Variants in TRPM4 observed in about 807,000 individuals in gnomAD.
TRPM4 encodes transient receptor potential cation channel subfamily M member 4.
In TRPM4, 124 loss-of-function variants were observed where a neutral mutation model predicts 135.6. The ratio of observed to expected loss-of-function variants is 0.91; its 90% CI spans 0.79 to 1.06. The LOEUF (loss-of-function observed/expected upper bound fraction) is 1.06. Among genes scored for constraint, TRPM4 ranks in the 50% least tolerant of loss-of-function variants. The pLI is 0.00. For missense variants in TRPM4, 1,658 were observed against 1,671.4 expected (o/e 0.99, Z 0.14); for synonymous variants, 745 against 705.6 (o/e 1.06, Z -0.88).
intron 12 of TRPM4, among the ~76,000 whole-genome samples, chr19:49,184,418 G>C (rs566745170): frequency 6.9e-4 from 96 of 139,682 alleles, no homozygotes; most frequent in African/African-American, 2.6e-3. Flanking sequence ...TTTAGCTTCA[G>C]AGTTTCTATT....
chr19:49,210,144 A>C lies in TRPM4; in HGVS notation c.3132-65A>C. 6 of 1,522,516 alleles carry C rather than the reference A, an allele frequency of 3.9e-6. No homozygotes were observed. The highest frequency in any genetic ancestry group is 5.5e-6 in the Non-Finnish European group (6 of 1,096,310). The allele number at this position is 1,522,516 out of a possible 1,614,324, so 94.3% of individuals were successfully genotyped here. ...ACTGAACAATTATTGCCTGGCATCTAACCTTCGTCCTTGCCCCTGGCTGGG... is the reference window on the plus strand; with the variant it reads ...ACTGAACAATTATTGCCTGGCATCTCACCTTCGTCCTTGCCCCTGGCTGGG... On this transcript the variant is annotated intron_variant, in intron 20 of 24. Transcript: ENST00000252826. The surrounding 1 kb of genome is among the most constrained non-coding windows in gnomAD (Gnocchi z 4.1).
chr19:49,185,201 A>G (rs1052014025), intron 12 of TRPM4, among the ~76,000 whole-genome samples: 34 of 149,280 alleles, frequency 2.3e-4, no homozygotes, highest in African/African-American at 8.4e-4. Context: ...TTTTTTTCCT[A>G]CTCATTTCTA....
chr19:49,158,320 G>T (rs934041077), intron 2 of TRPM4, 61 bp downstream of exon 2: 59 of 1,507,172 alleles, frequency 3.9e-5, no homozygotes, highest in Middle Eastern at 1.7e-4. Flanking sequence ...CCCGCCCGCG[G>T]ATGGTCACGC....
intron 9 of TRPM4, among the ~76,000 whole-genome samples, chr19:49,177,530 G>A (rs1258725560): frequency 6.6e-6 from 1 of 151,910 alleles, no homozygotes; most frequent in Non-Finnish European, 1.5e-5. Flanking sequence ...GTTTCACCAT[G>A]TTGGCCAGGA....
At chr19:49,195,639 G>A (rs985209562) in intron 16 of TRPM4, among the ~76,000 whole-genome samples, 7 of 151,446 alleles carry the variant, frequency 4.6e-5, no homozygotes, top group African/African-American at 1.5e-4. Context: ...CCAAATGCTG[G>A]GATTACAAGC....
Position 49,210,169 on chromosome 19 carries a change from G to T in TRPM4, c.3132-40G>T. On this transcript the variant is annotated intron_variant, in intron 20 of 24. Coordinates refer to ENST00000252826, the MANE Select transcript of TRPM4 (RefSeq NM_017636.4). The surrounding 1 kb of genome is among the most constrained non-coding windows in gnomAD (Gnocchi z 4.1). The stretch of plus-strand genomic sequence containing the variant: ...AACCTTCGTCCTTGCCCCTGGCTGG[G>T]CCCTGACCTCAAGTGACCTTTGACC... 1 of 1,610,400 alleles carries T rather than the reference G, an allele frequency of 6.2e-7. No homozygotes were observed. The highest frequency in any genetic ancestry group is 8.5e-7 in the Non-Finnish European group (1 of 1,176,574).
rs773312067 is a variant in TRPM4, at chr19:49,190,783, G to T, written c.2210+10G>T. 3.7e-6 allele frequency: 6 copies of T among 1,613,790 alleles called. No individual in the cohort carries two copies. Among genetic ancestry groups the T allele is most frequent in the Non-Finnish European group, 4.2e-6 (5 of 1,179,820 alleles). ...GGGAAGGGCCTGTCGGGTGAGTGGA[G>T]CCTCCAGCACTGTGTGAGGTGGGGA... On this transcript the variant is annotated intron_variant, in intron 16 of 24. Transcript: ENST00000252826.
chr19:49,168,683 G>C lies in TRPM4; in HGVS notation c.743G>C (p.Arg248Pro). The change falls in exon 6 of 25, where the codon CGC becomes CCC. Residue 248 changes from arginine (R) to proline (P), a missense_variant. By Grantham distance (103) the Arg-to-Pro change is moderately radical (BLOSUM62 -2). Transcript: ENST00000252826. ...GTHGCLGGENRFRLRLESYIS... is the reference protein window; with the variant it reads ...GTHGCLGGENPFRLRLESYIS... ...CACGGCTGCCTGGGGGGCGAGAACCGCTTCCGCTTGCGCCTGGAGTCCTAC... is the reference window on the plus strand; with the variant it reads ...CACGGCTGCCTGGGGGGCGAGAACCCCTTCCGCTTGCGCCTGGAGTCCTAC... 1 of 1,610,578 alleles carries C rather than the reference G, an allele frequency of 6.2e-7. No individual in the cohort carries two copies. The highest frequency in any genetic ancestry group is 8.5e-7 in the Non-Finnish European group (1 of 1,178,932).
intron 19 of TRPM4, among the ~76,000 whole-genome samples, chr19:49,201,461 A>G (rs1302410623): frequency 6.6e-6 from 1 of 152,228 alleles, no homozygotes; most frequent in African/African-American, 2.4e-5. Flanking sequence ...AGAGCTAAGA[A>G]CATAAAGTAC....
At chr19:49,182,544 C>T (rs757957547) in intron 10 of TRPM4, 34 bp from the exon 11 acceptor site, 1 of 1,582,204 alleles carries the variant, frequency 6.3e-7, no homozygotes, top group South Asian at 1.1e-5. Flanking sequence ...AACCTTTGAG[C>T]TAATCTCTTC....
In TRPM4 at chr19:49,196,460, A is replaced by T. The variant is rs569301210; in HGVS notation, c.2231A>T (p.Lys744Met). 48 of 1,548,158 alleles carry T rather than the reference A, an allele frequency of 3.1e-5. No homozygotes were observed. The East Asian group carries it at 5.7e-4, about 19-fold the overall frequency. The stretch of plus-strand genomic sequence containing the variant: ...CACAGGACGGCGGACCCAGCCGAGA[A>T]GACGCCGCTGGGGGTCCCGCGCCAG... Reference protein sequence around the residue: ...GPVGTADPAEKTPLGVPRQSG... With the variant: ...GPVGTADPAEMTPLGVPRQSG... Residue 744 changes from lysine to methionine, a missense_variant, in exon 17 of 25, where the codon AAG becomes ATG. By Grantham distance (95) the Lys-to-Met change is moderately conservative. This residue lies in a region of TRPM4 where 1,412 missense variants were observed against 1,408.7 expected (regional missense o/e 1.00). Coordinates refer to ENST00000252826, the MANE Select transcript of TRPM4 (RefSeq NM_017636.4).
intron 6 of TRPM4, among the ~76,000 whole-genome samples, chr19:49,170,479 G>A (rs1179440102): frequency 2.0e-5 from 3 of 152,078 alleles, no homozygotes; most frequent in Admixed American, 6.5e-5. Flanking sequence ...ATGAGCCACC[G>A]CACCTGGCCT....
At position 49,173,726 on chromosome 19, in the gene TRPM4, C is replaced by T. The variant is rs115507707; in HGVS notation, c.1150+1618C>T. Among the ~76,000 whole-genome samples, 1,065 of 152,110 alleles carry T rather than the reference C, an allele frequency of 7.0e-3. 15 individuals carry two copies. Among genetic ancestry groups the T allele is most frequent in the African/African-American group, 0.024 (1,009 of 41,474 alleles). ...AAGCTGGAGTATAGTGGTGTGATCA[C>T]GGCTCAGTGCAGCCTCAACCTCCCA... On this transcript the variant is annotated intron_variant, in intron 9 of 24. Coordinates refer to ENST00000252826, the MANE Select transcript of TRPM4 (RefSeq NM_017636.4).
In TRPM4 at chr19:49,166,880, G is replaced by C. The variant is rs1421512655; in HGVS notation, c.267+665G>C. 3.4e-5 allele frequency among the ~76,000 whole-genome samples: 5 copies of C among 146,580 alleles called. No individual in the cohort carries two copies. The East Asian group carries it at 1.0e-3, about 30-fold the overall frequency. On this transcript the variant is annotated intron_variant, in intron 3 of 24. Coordinates refer to ENST00000252826, the MANE Select transcript of TRPM4 (RefSeq NM_017636.4). ...TGGGTCTGTTTCCCCCTCTCTCTGG[G>C]TCTCTGTCCCCATCTCTCTGGGTCT...
intron 3 of TRPM4, among the ~76,000 whole-genome samples, chr19:49,166,889 CCCATCTCTCTGGGTCTCTGT>C: frequency 7.0e-6 from 1 of 142,792 alleles, no homozygotes; most frequent in Admixed American, 6.8e-5. Context: ...GGTCTCTGTC[CCCATCTCTCTGGGTCTCTGT>C]CTGTTTCTCC....
rs2041542552 is a variant in TRPM4, at chr19:49,157,880, A to C, written c.14A>C (p.Glu5Ala). The change falls in exon 1 of 25, where the codon GAG (glutamate) becomes GCG (alanine). Residue 5 changes from glutamate to alanine, a missense_variant. Coordinates refer to ENST00000252826, the MANE Select transcript of TRPM4 (RefSeq NM_017636.4). MVVP[E>A]KEQSWIPKIF... ...GGCCGCGGCAGCATGGTGGTGCCGG[A>C]GAAGGAGCAGGTGAGCGCCGGACCA... 1.3e-6 allele frequency: 2 copies of C among 1,534,860 alleles called. No individual in the cohort carries two copies. Among genetic ancestry groups the C allele is most frequent in the Non-Finnish European group, 8.7e-7 (1 of 1,146,412 alleles).
rs202191712 is a variant in TRPM4 at position 49,158,582 on chromosome 19, TGTTTC to T, written c.92+324_92+328del. On this transcript the variant is annotated intron_variant, in intron 2 of 24. Transcript: ENST00000252826. ...TCTGTCTTTCCCTTTTGGGTATTTCTGTTTCATTCATTCATTCATTCATTCATTCA... is the reference window on the plus strand; with the variant it reads ...TCTGTCTTTCCCTTTTGGGTATTTCTATTCATTCATTCATTCATTCATTCA... 7.3e-3 allele frequency: 2,500 copies of T among 343,480 alleles called. 96 individuals carry two copies. Among genetic ancestry groups the T allele is most frequent in the East Asian group, 0.048 (863 of 17,838 alleles). The allele number at this position is 343,480 out of a possible 1,614,324, so 21.3% of individuals were successfully genotyped here.
chr19:49,164,682 T>G (rs1352370643), intron 2 of TRPM4, among the ~76,000 whole-genome samples: 1 of 144,534 alleles, frequency 6.9e-6, no homozygotes, highest in African/African-American at 2.6e-5. Flanking sequence ...GCGCCCGGCC[T>G]CTTGCTTGCT....
At chr19:49,199,123 T>A (rs968539451) in intron 17 of TRPM4, among the ~76,000 whole-genome samples, 9 of 151,766 alleles carry the variant, frequency 5.9e-5, no homozygotes, top group South Asian at 2.1e-4. Flanking sequence ...TGAAAAAAAA[T>A]TTGCCAATTT....
Sources: gnomAD v4.1 joint callset for allele counts (sites outside exome capture counted in the v4.1 genomes callset) on GRCh38, gnomAD v4.1.1 for gene constraint, gnomAD v4.1.1 regional missense constraint, Gnocchi (gnomAD v3.1) non-coding constraint, MANE v1.5 for transcripts, NCBI Gene and HGNC (gene_info 2026-07-23, HGNC 2026-07-21) for gene names.